Variants in ELMO1 observed in about 807,000 individuals in gnomAD.
The protein encoded by ELMO1 is engulfment and cell motility protein 1.
In ELMO1, 26 loss-of-function variants were observed where a neutral mutation model predicts 98.9. The observed-to-expected ratio is 0.26, with a 90% CI of 0.19 to 0.36. The LOEUF is 0.36. Ranked by LOEUF, ELMO1 falls within the 10% of genes least tolerant of loss-of-function variation. ELMO1 has a pLI of 1.00. For missense variants in ELMO1, 627 were observed against 935.2 expected, an observed-to-expected ratio of 0.67 and a Z score of 4.30; for synonymous variants, 346 against 346.0, an observed-to-expected ratio of 1.00 and a Z score of 0.00.
chr7:37,214,326 T>C (rs6944624), intron 11 of ELMO1, among the ~76,000 whole-genome samples: 71,005 of 152,092 alleles, frequency 0.47, 17,912 homozygotes, highest in African/African-American at 0.67. Context: ...TCATGCCATG[T>C]TATCTGAAAG....
At chr7:37,004,963 G>T (rs1792943607) in intron 16 of ELMO1, among the ~76,000 whole-genome samples, 1 of 151,762 alleles carries the variant, frequency 6.6e-6, no homozygotes, top group Non-Finnish European at 1.5e-5. Context: ...ACAAAAATTA[G>T]CTGGGCATGG....
chr7:37,234,029 A>C (rs944055172), intron 7 of ELMO1, among the ~76,000 whole-genome samples: 5 of 152,200 alleles, frequency 3.3e-5, no homozygotes, highest in Non-Finnish European at 7.3e-5. Flanking sequence ...CTTTCAAAAC[A>C]ACACTTTAGC....
chr7:37,250,914 C>T (rs1180125271), intron 6 of ELMO1, among the ~76,000 whole-genome samples: 1 of 152,020 alleles, frequency 6.6e-6, no homozygotes, highest in Non-Finnish European at 1.5e-5. Context: ...ATTCCAGCAG[C>T]GTAATTTTCC....
At chr7:37,315,179 G>T (rs1799089039) in intron 3 of ELMO1, among the ~76,000 whole-genome samples, 1 of 152,090 alleles carries the variant, frequency 6.6e-6, no homozygotes, top group Non-Finnish European at 1.5e-5. Context: ...CTCAAGGCTT[G>T]GTGTGGGAGA....
At chr7:36,875,381 C>T (rs1458833353) in intron 19 of ELMO1, among the ~76,000 whole-genome samples, 1 of 152,180 alleles carries the variant, frequency 6.6e-6, no homozygotes, top group South Asian at 2.1e-4. Context: ...CACACACTCT[C>T]TTTCTCTCTC....
At chr7:37,157,016 T>A (rs1197780423) in intron 13 of ELMO1, among the ~76,000 whole-genome samples, 1 of 152,112 alleles carries the variant, frequency 6.6e-6, no homozygotes, top group Non-Finnish European at 1.5e-5. Flanking sequence ...GTTCAACATA[T>A]GCAAATCAAT....
At chr7:36,995,114 T>C (rs1303228365) in intron 16 of ELMO1, among the ~76,000 whole-genome samples, 1 of 152,148 alleles carries the variant, frequency 6.6e-6, no homozygotes, top group Non-Finnish European at 1.5e-5. Flanking sequence ...TGGGGAACAT[T>C]AAAGACATAG....
intron 16 of ELMO1, among the ~76,000 whole-genome samples, chr7:36,972,274 TAAC>T (rs1156550339): frequency 6.6e-6 from 1 of 152,210 alleles, no homozygotes; most frequent in Non-Finnish European, 1.5e-5. Context: ...GGGAAGGAGA[TAAC>T]AACTCGTATC....
chr7:36,945,009 C>T (rs768456040), intron 16 of ELMO1, among the ~76,000 whole-genome samples: 15 of 152,160 alleles, frequency 9.9e-5, no homozygotes, highest in East Asian at 3.8e-4. Context: ...TCCTTTCCAA[C>T]GCCTGCTGAC....
intron 16 of ELMO1, among the ~76,000 whole-genome samples, chr7:36,933,574 CAG>C (rs1786239814): frequency 2.0e-5 from 3 of 152,274 alleles, no homozygotes; most frequent in East Asian, 3.9e-4. Flanking sequence ...GCTGGGAGGA[CAG>C]AAGTCTAGGA....
chr7:37,162,696 A>G (rs1584743277), intron 13 of ELMO1, among the ~76,000 whole-genome samples: 2 of 152,252 alleles, frequency 1.3e-5, no homozygotes, highest in Admixed American at 6.5e-5. Flanking sequence ...ACTCAACTCA[A>G]TAATGAAGAA....
At chr7:37,291,538 T>C (rs1797679607) in intron 4 of ELMO1, among the ~76,000 whole-genome samples, 1 of 152,202 alleles carries the variant, frequency 6.6e-6, no homozygotes. Flanking sequence ...AAAGAATGTA[T>C]AGGCAGTTTA....
Position 37,302,973 on chromosome 7 carries a change from T to C in ELMO1, c.192+11877A>G, listed in dbSNP as rs76048339. 9.7e-3 allele frequency among the ~76,000 whole-genome samples: 1,472 copies of C among 152,264 alleles called. 23 individuals carry two copies. The highest frequency in any genetic ancestry group is 0.033 in the African/African-American group (1,387 of 41,542). Reference sequence around the variant, plus strand: ...CTACCTTTCCTGGGTAGAGATAAGTTCATCTTCCTCTTATCTCTCCCCAGA... The same window carrying C: ...CTACCTTTCCTGGGTAGAGATAAGTCCATCTTCCTCTTATCTCTCCCCAGA... On this transcript the variant is annotated intron_variant, in intron 4 of 21. Coordinates refer to ENST00000310758, the MANE Select transcript of ELMO1 (RefSeq NM_014800.11).
chr7:37,062,450 T>C (rs1796715880), intron 15 of ELMO1, among the ~76,000 whole-genome samples: 1 of 152,174 alleles, frequency 6.6e-6, no homozygotes, highest in African/African-American at 2.4e-5. Flanking sequence ...TGGGAAGTGG[T>C]TTAGACACGT....
intron 1 of ELMO1, among the ~76,000 whole-genome samples, chr7:37,405,539 T>C (rs1283313049): frequency 1.3e-5 from 2 of 152,226 alleles, no homozygotes; most frequent in African/African-American, 4.8e-5. Context: ...GTTATCCTTA[T>C]AGGCAATGTG....
chr7:37,430,199 T>G (rs1018902292), intron 1 of ELMO1, among the ~76,000 whole-genome samples: 6 of 152,212 alleles, frequency 3.9e-5, no homozygotes, highest in African/African-American at 1.4e-4. Flanking sequence ...GAACATCATT[T>G]TCCATGAAGC....
At chr7:36,885,710 C>T (rs151062544) in intron 18 of ELMO1, among the ~76,000 whole-genome samples, 19 of 152,322 alleles carry the variant, frequency 1.2e-4, no homozygotes, top group African/African-American at 3.4e-4. Flanking sequence ...CTAATCCTGT[C>T]CTCCCACTTT....
rs117843993 is a variant in ELMO1, at chr7:37,153,230, C to T, written c.1087-19996G>A. Among the ~76,000 whole-genome samples the T allele has an allele frequency of 6.6e-5, 10 of 152,264 alleles. No homozygotes were observed. The East Asian group carries it at 9.6e-4, about 15-fold the overall frequency. On this transcript the variant is annotated intron_variant, in intron 13 of 21. Transcript: ENST00000310758. ...CTCCCAGTGATATTGACGCAGCAGACGGGTGATTTCTACATTTCCAACTGA... is the reference window on the plus strand; with the variant it reads ...CTCCCAGTGATATTGACGCAGCAGATGGGTGATTTCTACATTTCCAACTGA...
intron 16 of ELMO1, among the ~76,000 whole-genome samples, chr7:36,975,673 C>T (rs189259701): frequency 1.0e-3 from 152 of 151,038 alleles, no homozygotes; most frequent in African/African-American, 3.1e-3. Flanking sequence ...ATGGTGAAAC[C>T]GCGTCTCTAC....
Sources: gnomAD v4.1 joint callset for allele counts (sites outside exome capture counted in the v4.1 genomes callset) on GRCh38, gnomAD v4.1.1 for gene constraint, MANE v1.5 for transcripts, NCBI Gene and HGNC (gene_info 2026-07-23, HGNC 2026-07-21) for gene names.